Variants in KIFC3 observed in about 807,000 individuals in gnomAD.
KIFC3 encodes the protein kinesin-like protein KIFC3.
KIFC3 carries 60 observed loss-of-function variants against 101.8 expected under a neutral mutation model. The observed-to-expected ratio is 0.59, with a 90% confidence interval of 0.48 to 0.73. The LOEUF (loss-of-function observed/expected upper bound fraction) is 0.73, where lower values mean the gene tolerates loss of function less well. KIFC3 is among the 30% of genes least tolerant of loss of function. The pLI is 0.00. For missense variants in KIFC3, 966 were observed against 1,137.1 expected (o/e 0.85, Z 2.16); for synonymous variants, 476 against 482.7 (o/e 0.99, Z 0.18).
chr16:57,813,109 C>G (rs1555628071), intron 1 of KIFC3, among the ~76,000 whole-genome samples: 1 of 152,154 alleles, frequency 6.6e-6, no homozygotes, highest in African/African-American at 2.4e-5. Context: ...TAGTGGATCA[C>G]CTGAGGTCAA....
chr16:57,765,679 G>T, intron 10 of KIFC3, 39 bp from the exon 11 acceptor site: 1 of 1,556,116 alleles, frequency 6.4e-7, no homozygotes, highest in South Asian at 1.2e-5. Flanking sequence ...TCCAGGCCAT[G>T]TCAAGACCAG....
At chr16:57,845,715 G>T (rs1234274890) in intron 1 of KIFC3, among the ~76,000 whole-genome samples, 5 of 152,110 alleles carry the variant, frequency 3.3e-5, no homozygotes, top group East Asian at 3.9e-4. Flanking sequence ...CAAGCTCTTT[G>T]CACCCCTTAC....
In KIFC3 at chr16:57,769,817, T is replaced by C. The variant is rs2050936517; in HGVS notation, c.1078A>G (p.Asn360Asp). 1.9e-6 allele frequency: 3 copies of C among 1,613,166 alleles called. No individual in the cohort carries two copies. The highest frequency in any genetic ancestry group is 2.5e-6 in the Non-Finnish European group (3 of 1,179,972). ...CAGCTGGTCAGCTCACCTGCTAGAT[T>C]CTCGTGCACAGCCTTCATCTCCACC... is the stretch of plus-strand genomic sequence containing the variant. ...AQVEMKAVHE[N>D]LAGVRTNLLT... Residue 360 changes from asparagine (N) to aspartate (D), a missense_variant, in exon 8 of 20, where the codon AAT (asparagine) becomes GAT (aspartate). Coordinates refer to ENST00000445690, the MANE Select transcript of KIFC3 (RefSeq NM_001130100.2). The surrounding 1 kb of genome is among the most constrained non-coding windows in gnomAD (Gnocchi z 4.3).
At chr16:57,842,894 G>T (rs1287258832) in intron 1 of KIFC3, among the ~76,000 whole-genome samples, 5 of 152,184 alleles carry the variant, frequency 3.3e-5, no homozygotes, top group Non-Finnish European at 7.4e-5. Context: ...CACTTTGGGA[G>T]GCCAGGGCAG....
intron 3 of KIFC3, chr16:57,774,972 G>A (rs1353796051): frequency 7.2e-6 from 11 of 1,532,504 alleles, no homozygotes; most frequent in Admixed American, 6.0e-5. Context: ...GGGGCTGGGC[G>A]CACTAACCTT....
chr16:57,784,839 C>T (rs575168329), intron 3 of KIFC3, among the ~76,000 whole-genome samples: 3 of 152,190 alleles, frequency 2.0e-5, no homozygotes, highest in African/African-American at 7.2e-5. Flanking sequence ...AGAAGAGGGC[C>T]GGTGGTCAGC....
intron 1 of KIFC3, among the ~76,000 whole-genome samples, chr16:57,827,680 G>C (rs1387293078): frequency 3.9e-5 from 6 of 152,142 alleles, no homozygotes; most frequent in African/African-American, 1.4e-4. Context: ...GGCCATGGAT[G>C]GTCACAAATT....
At chr16:57,770,197 C>G (rs987272821) in intron 7 of KIFC3, among the ~76,000 whole-genome samples, 2 of 152,252 alleles carry the variant, frequency 1.3e-5, no homozygotes, top group Non-Finnish European at 2.9e-5. Flanking sequence ...CACGTGCCCT[C>G]AGGAAGGTAG....
chr16:57,836,631 C>T (rs2149304094), intron 1 of KIFC3, among the ~76,000 whole-genome samples: 1 of 152,272 alleles, frequency 6.6e-6, no homozygotes, highest in Middle Eastern at 3.4e-3. Flanking sequence ...TACCCTCTTG[C>T]TCCAAAACCA....
chr16:57,772,199 C>G, intron 4 of KIFC3, 24 bp downstream of exon 4: 1 of 1,609,848 alleles, frequency 6.2e-7, no homozygotes, highest in Non-Finnish European at 8.5e-7. Flanking sequence ...CCTGCGCTAC[C>G]CCAGGACAGC....
intron 1 of KIFC3, among the ~76,000 whole-genome samples, chr16:57,812,654 G>A (rs1269865905): frequency 1.3e-5 from 2 of 152,230 alleles, no homozygotes; most frequent in African/African-American, 4.8e-5. Flanking sequence ...GGCTGGAGGT[G>A]GAGCGGGAGA....
At chr16:57,813,157 ATC>A (rs1555628084) in intron 1 of KIFC3, among the ~76,000 whole-genome samples, 1 of 152,032 alleles carries the variant, frequency 6.6e-6, no homozygotes, top group African/African-American at 2.4e-5. Flanking sequence ...GCGAAACTCC[ATC>A]TCTACTGAAA....
chr16:57,844,126 C>A (rs559367514), intron 1 of KIFC3, among the ~76,000 whole-genome samples: 48 of 151,054 alleles, frequency 3.2e-4, no homozygotes, highest in South Asian at 2.3e-3. Context: ...AAAGAAGTTT[C>A]TTTCCTTGAT....
At chr16:57,783,586 C>G (rs2052999770) in intron 3 of KIFC3, among the ~76,000 whole-genome samples, 1 of 151,520 alleles carries the variant, frequency 6.6e-6, no homozygotes, top group South Asian at 2.1e-4. Context: ...AATTCTCCTG[C>G]CTCAGCCTCC....
intron 1 of KIFC3, among the ~76,000 whole-genome samples, chr16:57,841,287 G>A (rs1360437581): frequency 1.3e-5 from 2 of 152,200 alleles, no homozygotes; most frequent in African/African-American, 2.4e-5. Flanking sequence ...ACTGAAAGGG[G>A]CATCTGAGAC....
At chr16:57,762,754 G>A (rs56034614) in intron 12 of KIFC3, among the ~76,000 whole-genome samples, 4,912 of 152,182 alleles carry the variant, frequency 0.032, 114 homozygotes, top group Non-Finnish European at 0.048. Context: ...AGGAAACCTG[G>A]AGTCCCCACC....
upstream of KIFC3, among the ~76,000 whole-genome samples, chr16:57,805,945 G>A (rs2054926470): frequency 6.6e-6 from 1 of 152,050 alleles, no homozygotes; most frequent in Non-Finnish European, 1.5e-5. Context: ...TGCCACGTTG[G>A]CCAGGCTGCT....
intron 1 of KIFC3, among the ~76,000 whole-genome samples, chr16:57,843,528 A>AT (rs2055853860): frequency 6.6e-6 from 1 of 152,080 alleles, no homozygotes. Flanking sequence ...GACACTCATC[A>AT]TTAGAAAAAT....
At chr16:57,854,688 T>A (rs2056128350) in intron 1 of KIFC3, among the ~76,000 whole-genome samples, 1 of 150,664 alleles carries the variant, frequency 6.6e-6, no homozygotes, top group African/African-American at 2.4e-5. Flanking sequence ...AGCAACACCA[T>A]CAACCAACTG....
Sources: allele counts gnomAD v4.1 joint callset (sites outside exome capture counted in the v4.1 genomes callset), GRCh38; gene constraint gnomAD v4.1.1; non-coding constraint Gnocchi (gnomAD v3.1); transcripts MANE v1.5; gene names NCBI Gene and HGNC (gene_info 2026-07-23, HGNC 2026-07-21).